Variants in FAM120A observed in about 807,000 individuals in gnomAD.
FAM120A encodes family with sequence similarity 120 member A, also known as constitutive coactivator of PPAR-gamma-like protein 1.
Under a neutral mutation model 109.7 loss-of-function variants are expected in FAM120A, and 15 were observed. That is an observed-to-expected ratio of 0.14 (90% CI 0.09 to 0.21). FAM120A has a LOEUF of 0.21. Ranked by LOEUF, FAM120A falls within the 10% of genes least tolerant of loss-of-function variation. The pLI is 1.00. For synonymous variants in FAM120A, 493 were observed against 572.8 expected (o/e 0.86, Z 1.99); for missense variants, 899 against 1,439.3 (o/e 0.62, Z 6.07).
chr9:93,529,707 A>G (rs751360399), intron 9 of FAM120A, 127 bp downstream of exon 9: 1 of 788,054 alleles, frequency 1.3e-6, no homozygotes, highest in South Asian at 1.5e-5. Flanking sequence ...AACAAAGTTC[A>G]CTTTCCCCTT....
In FAM120A at chr9:93,532,253, A is replaced by G. The variant is rs769979786; in HGVS notation, c.1833A>G (p.Gly611=). 6.2e-7 allele frequency: 1 copy of G among 1,614,234 alleles called. No homozygotes were observed. Among genetic ancestry groups the G allele is most frequent in the African/African-American group, 1.3e-5 (1 of 75,070 alleles). The stretch of plus-strand genomic sequence containing the variant: ...GGCCAGTTCGTCAGTATGTTTACGG[A>G]GTCCTGTTTAGTTTGGCAGAAAGCA... ...LYRPVRQYVY[G]VLFSLAESRK... The change falls in exon 10 of 18, where the codon GGA becomes GGG. Residue 611 remains glycine, a synonymous_variant. Coordinates refer to ENST00000277165, the MANE Select transcript of FAM120A (RefSeq NM_014612.5). This position sits in a 1 kb window ranked among gnomAD's most constrained non-coding sequence, Gnocchi z 4.3.
intron 3 of FAM120A, among the ~76,000 whole-genome samples, chr9:93,484,980 T>C (rs1283425492): frequency 6.6e-6 from 1 of 152,224 alleles, no homozygotes; most frequent in Non-Finnish European, 1.5e-5. Context: ...TACTTCCTAC[T>C]CTGTGAGTTC....
At chr9:93,489,890 G>A (rs1386428852) in intron 3 of FAM120A, among the ~76,000 whole-genome samples, 1 of 152,126 alleles carries the variant, frequency 6.6e-6, no homozygotes, top group Non-Finnish European at 1.5e-5. Flanking sequence ...GAGACTGCTG[G>A]GGCCAAGGAC....
intron 3 of FAM120A, among the ~76,000 whole-genome samples, chr9:93,490,493 G>A (rs917317565): frequency 6.6e-6 from 1 of 152,166 alleles, no homozygotes; most frequent in African/African-American, 2.4e-5. Context: ...ATATGAAAAG[G>A]AATATTGGAT....
At chr9:93,469,741 T>C (rs1465559850) in intron 1 of FAM120A, among the ~76,000 whole-genome samples, 1 of 152,248 alleles carries the variant, frequency 6.6e-6, no homozygotes, top group East Asian at 1.9e-4. Flanking sequence ...TTTGGTTTTT[T>C]TCTTATTAAG....
rs569581319 is a variant in FAM120A at position 93,557,871 on chromosome 9, C to T, written c.2529C>T (p.Leu843=). 3.1e-6 allele frequency: 5 copies of T among 1,613,802 alleles called. No individual in the cohort carries two copies. Among genetic ancestry groups the T allele is most frequent in the African/African-American group, 2.7e-5 (2 of 75,054 alleles). ...AKVEKMRQSV[L]EGLSFSRQSH... ...TAGAGAAGATGCGCCAGAGCGTCCTCGAGGGGCTCAGCTTCTCCAGGCAGA... is the reference window on the plus strand; with the variant it reads ...TAGAGAAGATGCGCCAGAGCGTCCTTGAGGGGCTCAGCTTCTCCAGGCAGA... Residue 843 remains leucine, a synonymous_variant, in exon 14 of 18, where the codon CTC becomes CTT. Transcript: ENST00000277165.
chr9:93,470,575 T>G (rs1588795187), intron 1 of FAM120A, among the ~76,000 whole-genome samples: 1 of 152,136 alleles, frequency 6.6e-6, no homozygotes, highest in Admixed American at 6.5e-5. Flanking sequence ...ACATTGAGGG[T>G]GAACGTGTGC....
chr9:93,479,299 C>T (rs890756322), intron 3 of FAM120A, among the ~76,000 whole-genome samples: 14 of 151,794 alleles, frequency 9.2e-5, no homozygotes, highest in South Asian at 2.1e-4. Context: ...GGGGTTTCAC[C>T]GTTTTAGCTG....
intron 3 of FAM120A, among the ~76,000 whole-genome samples, chr9:93,484,476 C>G (rs560386595): frequency 6.6e-6 from 1 of 152,044 alleles, no homozygotes; most frequent in Admixed American, 6.6e-5. Context: ...TGAAAGATAC[C>G]GTGTTGGTAG....
At chr9:93,458,898 C>T (rs960630424) in intron 1 of FAM120A, among the ~76,000 whole-genome samples, 2 of 152,178 alleles carry the variant, frequency 1.3e-5, no homozygotes, top group Non-Finnish European at 2.9e-5. Flanking sequence ...GACTTGTAGA[C>T]CTTCCTGCGA....
intron 10 of FAM120A, among the ~76,000 whole-genome samples, chr9:93,541,910 G>T (rs1861715386): frequency 1.3e-5 from 2 of 152,116 alleles, no homozygotes; most frequent in Admixed American, 6.5e-5. Context: ...GTGTATCCAA[G>T]TGTCTAACTC....
chr9:93,493,688 C>T (rs1471964082), intron 3 of FAM120A, among the ~76,000 whole-genome samples: 1 of 152,198 alleles, frequency 6.6e-6, no homozygotes, highest in Non-Finnish European at 1.5e-5. Flanking sequence ...CAGGCAGGTG[C>T]TCTGTACCCA....
intron 1 of FAM120A, among the ~76,000 whole-genome samples, chr9:93,470,452 G>A (rs1395690170): frequency 6.6e-6 from 1 of 152,020 alleles, no homozygotes; most frequent in East Asian, 1.9e-4. Flanking sequence ...GTTACATTGG[G>A]GATTCAGTAG....
intron 2 of FAM120A, among the ~76,000 whole-genome samples, chr9:93,472,248 A>C (rs2131262826): frequency 6.6e-6 from 1 of 151,998 alleles, no homozygotes; most frequent in South Asian, 2.1e-4. Context: ...AGACAGAGTG[A>C]GACTTTGTCT....
intron 5 of FAM120A, among the ~76,000 whole-genome samples, chr9:93,503,944 G>A (rs943198404): frequency 6.6e-6 from 1 of 152,162 alleles, no homozygotes; most frequent in African/African-American, 2.4e-5. Flanking sequence ...AGGAGTTACC[G>A]TTGCCCCTAC....
At chr9:93,521,957 G>T (rs959695320) in intron 7 of FAM120A, among the ~76,000 whole-genome samples, 1 of 152,128 alleles carries the variant, frequency 6.6e-6, no homozygotes, top group East Asian at 1.9e-4. Flanking sequence ...GTGTTTGCTT[G>T]TAGTCCCAGC....
chr9:93,554,154 C>CACACAT (rs1320239851), intron 12 of FAM120A, among the ~76,000 whole-genome samples: 2 of 150,138 alleles, frequency 1.3e-5, no homozygotes, highest in African/African-American at 2.4e-5. Flanking sequence ...CACACACACA[C>CACACAT]ACACACACAC....
At chr9:93,562,145 C>T in intron 16 of FAM120A, 63 bp from the exon 17 acceptor site, 1 of 1,287,730 alleles carries the variant, frequency 7.8e-7, no homozygotes, top group Non-Finnish European at 1.1e-6. Context: ...TCATTTGATA[C>T]TATTTTAAAT....
chr9:93,496,743 G>T (rs1859592740), intron 3 of FAM120A, among the ~76,000 whole-genome samples: 1 of 152,218 alleles, frequency 6.6e-6, no homozygotes. Flanking sequence ...AGAGGAGGAT[G>T]TGGACAGCTT....
Sources: allele counts gnomAD v4.1 joint callset (sites outside exome capture counted in the v4.1 genomes callset), GRCh38; gene constraint gnomAD v4.1.1; non-coding constraint Gnocchi (gnomAD v3.1); transcripts MANE v1.5; gene names NCBI Gene and HGNC (gene_info 2026-07-23, HGNC 2026-07-21).